Variants in CES5A observed in about 807,000 individuals in gnomAD.
The protein encoded by CES5A is carboxylesterase 5A.
Under a neutral mutation model 62.9 loss-of-function variants are expected in CES5A, and 67 were observed. The observed-to-expected ratio is 1.07, with a 90% confidence interval of 0.88 to 1.31. The LOEUF is 1.31. Among genes scored for constraint, CES5A ranks in the 50% most tolerant of loss-of-function variants. CES5A has a pLI of 0.00. For synonymous variants in CES5A, 296 were observed against 280.8 expected (o/e 1.05, Z -0.54); for missense variants, 748 against 708.5 (o/e 1.06, Z -0.63).
chr16:55,902,963 A>T (rs1303563821), intron 1 of CES5A, among the ~76,000 whole-genome samples: 2 of 152,164 alleles, frequency 1.3e-5, no homozygotes, highest in African/African-American at 4.8e-5. Context: ...AGAGAGAGGA[A>T]AGAAAGACAG....
At chr16:55,872,042 C>T (rs978703607) in intron 2 of CES5A, among the ~76,000 whole-genome samples, 7 of 152,162 alleles carry the variant, frequency 4.6e-5, no homozygotes, top group Admixed American at 1.3e-4. Context: ...CCTACACCAC[C>T]CTCCTATGCC....
rs754439066 is a variant in CES5A at position 55,849,666 on chromosome 16, C to A, written c.1381G>T (p.Val461Leu). The change falls in exon 11 of 13, where the codon GTG becomes TTG. Residue 461 changes from valine (V) to leucine (L), a missense_variant. Transcript: ENST00000290567. ...KADHADEVRF[V>L]FGGAFLKGDI... The stretch of plus-strand genomic sequence containing the variant: ...CCCTTCAGGAAGGCACCACCGAACA[C>A]AAAGCGGACTTCATCAGCGTGGTCG... The A allele has an allele frequency of 1.2e-6, 2 of 1,613,988 alleles. No homozygotes were observed. The highest frequency in any genetic ancestry group is 1.7e-6 in the Non-Finnish European group (2 of 1,179,890).
At chr16:55,946,592 G>GCC (rs1477592204) in intron 2 of CES5A, among the ~76,000 whole-genome samples, 1 of 152,212 alleles carries the variant, frequency 6.6e-6, no homozygotes, top group Non-Finnish European at 1.5e-5. Flanking sequence ...GTTAGGCCAT[G>GCC]CCCTTGGGCT....
chr16:55,891,034 C>T (rs536528649), intron 1 of CES5A, among the ~76,000 whole-genome samples: 7 of 152,210 alleles, frequency 4.6e-5, no homozygotes, highest in African/African-American at 1.7e-4. Context: ...TTCCGATTAT[C>T]TGCTCCACCC....
At chr16:55,877,491 G>T, upstream of CES5A, among the ~76,000 whole-genome samples, 1 of 150,516 alleles carries the variant, frequency 6.6e-6, no homozygotes, top group South Asian at 2.1e-4. Context: ...TATATGACAT[G>T]CTATAATACC....
At position 55,873,637 on chromosome 16, in the gene CES5A, A is replaced by C. The variant is rs575450067; in HGVS notation, c.278+196T>G. On this transcript the variant is annotated intron_variant, in intron 2 of 12. Coordinates refer to ENST00000290567, the MANE Select transcript of CES5A (RefSeq NM_001143685.2). ...GCTTGGAGAATCTGTATATTTTTAA[A>C]GATGCCTCCAGTGACCTGGCCATCA... is the stretch of plus-strand genomic sequence containing the variant. 2.8e-4 allele frequency among the ~76,000 whole-genome samples: 42 copies of C among 152,300 alleles called. No homozygotes were observed. In the South Asian group the frequency reaches 6.2e-3, roughly 23 times the overall value.
At chr16:55,942,509 C>T (rs2034456109) in intron 2 of CES5A, among the ~76,000 whole-genome samples, 1 of 152,194 alleles carries the variant, frequency 6.6e-6, no homozygotes, top group Non-Finnish European at 1.5e-5. Flanking sequence ...CCGTTTTATG[C>T]TCACCAGAAT....
intron 1 of CES5A, among the ~76,000 whole-genome samples, chr16:55,900,853 A>C (rs1345223494): frequency 6.6e-6 from 1 of 152,184 alleles, no homozygotes; most frequent in African/African-American, 2.4e-5. Context: ...TACCTTGCCC[A>C]AGTTTCGTTC....
At chr16:55,948,468 A>AG (rs1356958371) in intron 2 of CES5A, among the ~76,000 whole-genome samples, 2 of 152,252 alleles carry the variant, frequency 1.3e-5, no homozygotes, top group African/African-American at 2.4e-5. Context: ...AGGCGGTGGA[A>AG]GGGGGGTAAA....
intron 11 of CES5A, 146 bp from the exon 12 acceptor site, chr16:55,846,986 C>T: frequency 1.4e-6 from 1 of 726,108 alleles, no homozygotes; most frequent in Non-Finnish European, 2.4e-6. Flanking sequence ...TTTATACATG[C>T]AGATACTGAG....
chr16:55,935,377 T>TGAGG (rs2034362952), intron 2 of CES5A, among the ~76,000 whole-genome samples: 1 of 152,244 alleles, frequency 6.6e-6, no homozygotes, highest in Admixed American at 6.5e-5. Flanking sequence ...ACTGATTGGA[T>TGAGG]GAGGGCCACC....
intron 5 of CES5A, among the ~76,000 whole-genome samples, 172 bp downstream of exon 5, chr16:55,865,791 T>C (rs11076128): frequency 0.14 from 21,172 of 152,162 alleles, 2,789 homozygotes; most frequent in African/African-American, 0.33. Context: ...CTGTCCTGTA[T>C]GTGAAATGAG....
chr16:55,912,429 A>G (rs549820550), intron 1 of CES5A, among the ~76,000 whole-genome samples: 18 of 152,248 alleles, frequency 1.2e-4, no homozygotes, highest in South Asian at 8.3e-4. Flanking sequence ...GCATTCGAGG[A>G]AAAAAACAAA....
intron 11 of CES5A, among the ~76,000 whole-genome samples, chr16:55,848,535 AT>A (rs1313607641): frequency 1.3e-5 from 2 of 152,324 alleles, no homozygotes; most frequent in African/African-American, 4.8e-5. Context: ...TTGATGAAAA[AT>A]AATTCCTTGC....
At chr16:55,928,590 A>C (rs544121983), upstream of CES5A, among the ~76,000 whole-genome samples, 52 of 152,354 alleles carry the variant, frequency 3.4e-4, no homozygotes, top group Middle Eastern at 3.4e-3. Flanking sequence ...AAAGATACTC[A>C]ACCTTAATCT....
intron 10 of CES5A, among the ~76,000 whole-genome samples, chr16:55,851,411 G>C (rs2033130774): frequency 6.6e-6 from 1 of 151,998 alleles, no homozygotes; most frequent in Non-Finnish European, 1.5e-5. Flanking sequence ...CTAATAATTA[G>C]GAAAATGGAA....
rs757552122 is a variant in CES5A, at chr16:55,852,893, G to A, written c.1261C>T (p.Arg421Ter). 1.1e-5 allele frequency: 18 copies of A among 1,613,198 alleles called. No individual in the cohort carries two copies. Among genetic ancestry groups the A allele is most frequent in the Middle Eastern group, 1.7e-4 (1 of 5,740 alleles). ...CTCAGATACTCACCTCTGTGATATC[G>A]AGCTGTGATCAGTGCAGGGACCACA... is the stretch of plus-strand genomic sequence containing the variant. ...FFVVPALITA[R>*]YHRDAGAPVY... is the part of the protein sequence containing the mutation. Residue 421 changes from arginine (R) to a stop codon, truncating the protein, a stop_gained, in exon 10 of 13, where the codon CGA (arginine) becomes TGA (stop). Coordinates refer to ENST00000290567, the MANE Select transcript of CES5A (RefSeq NM_001143685.2). LOFTEE classifies it high-confidence loss of function.
At chr16:55,875,474 G>C (rs2033679248), upstream of CES5A, 1 of 843,578 alleles carries the variant, frequency 1.2e-6, no homozygotes, top group African/African-American at 1.8e-5. Context: ...GATAGGCTTT[G>C]GACTTCCGGG....
intron 1 of CES5A, among the ~76,000 whole-genome samples, chr16:55,910,453 G>C (rs1235976915): frequency 3.3e-5 from 5 of 152,046 alleles, no homozygotes; most frequent in Non-Finnish European, 7.4e-5. Flanking sequence ...CCTTTCCTGA[G>C]GGCCTGTGCC....
Sources: gnomAD v4.1 joint callset for allele counts (sites outside exome capture counted in the v4.1 genomes callset) on GRCh38, gnomAD v4.1.1 for gene constraint, MANE v1.5 for transcripts, NCBI Gene and HGNC (gene_info 2026-07-23, HGNC 2026-07-21) for gene names.